The following RNF213 variants were observed in gnomAD, a reference collection of about 807,000 sequenced individuals.
RNF213 encodes the protein ring finger protein 213, also known as E3 ubiquitin-protein ligase RNF213.
Under a neutral mutation model 514.4 loss-of-function variants are expected in RNF213, and 341 were observed. That is an observed-to-expected ratio of 0.66 (90% CI 0.61 to 0.73). The LOEUF is 0.73. Ranked by LOEUF, RNF213 falls within the 30% of genes least tolerant of loss-of-function variation. The probability of loss-of-function intolerance (pLI) is 0.00; values close to 1 mark genes in which losing one functional copy is unlikely to be tolerated. For missense variants in RNF213, 5,767 were observed against 6,615.6 expected (o/e 0.87, Z 4.45); for synonymous variants, 2,655 against 2,658.2 (o/e 1.00, Z 0.04).
chr17:80,374,474 A>C lies in RNF213; in HGVS notation c.12959A>C (p.His4320Pro). 6.2e-7 allele frequency: 1 copy of C among 1,614,184 alleles called. No individual in the cohort carries two copies. Among genetic ancestry groups the C allele is most frequent in the Non-Finnish European group, 8.5e-7 (1 of 1,180,036 alleles). ...VVKQQGLRQD[H>P]PGQMDRYLVY... ...GTATTCCAGGGGCTGCGGCAGGACC[A>C]CCCAGGCCAGATGGATAGGTACCTG... Residue 4320 changes from histidine (H) to proline (P), a missense_variant, in exon 50 of 68, where the codon CAC becomes CCC. His to Pro is a moderately conservative substitution (Grantham distance 77). Coordinates refer to ENST00000582970, the MANE Select transcript of RNF213 (RefSeq NM_001256071.3).
At position 80,389,809 on chromosome 17, in the gene RNF213, A is replaced by G; in HGVS notation, c.15196-19A>G. ...TGTGAGACCTCAGCCCCCACTCAGG[A>G]ATTCTATTCCTTCTGCAGGCCTTAA... On this transcript the variant is annotated intron_variant, in intron 65 of 67. Coordinates refer to ENST00000582970, the MANE Select transcript of RNF213 (RefSeq NM_001256071.3). The G allele has an allele frequency of 6.2e-7, 1 of 1,607,198 alleles. No homozygotes were observed. The highest frequency in any genetic ancestry group is 8.5e-7 in the Non-Finnish European group (1 of 1,174,456).
At chr17:80,362,673 ACTG>A (rs1330482379) in intron 39 of RNF213, among the ~76,000 whole-genome samples, 1 of 152,240 alleles carries the variant, frequency 6.6e-6, no homozygotes, top group African/African-American at 2.4e-5. Flanking sequence ...TCCGATCTGA[ACTG>A]CTGACTCTGT....
intron 14 of RNF213, among the ~76,000 whole-genome samples, chr17:80,310,767 G>A (rs1241068539): frequency 6.6e-6 from 1 of 151,876 alleles, no homozygotes; most frequent in African/African-American, 2.4e-5. Context: ...GGTCAGGCTG[G>A]CCTTGAACTC....
rs372936859 is a variant in RNF213, at chr17:80,273,229, C to T, written c.98-12C>T. The stretch of plus-strand genomic sequence containing the variant: ...CTCTGAGATCTGACCCTTCCTTCAT[C>T]TGCCGTTACAGATTCTGAGAACAAT... On this transcript the variant is annotated splice_polypyrimidine_tract_variant and intron_variant, in intron 2 of 67. Transcript: ENST00000582970. 7.1e-5 allele frequency: 115 copies of T among 1,613,340 alleles called. No homozygotes were observed. Among genetic ancestry groups the T allele is most frequent in the African/African-American group, 9.3e-5 (7 of 74,904 alleles).
At chr17:80,382,644 A>G (rs1199245577) in intron 57 of RNF213, 3 of 347,736 alleles carry the variant, frequency 8.6e-6, no homozygotes, top group Admixed American at 4.2e-5. Flanking sequence ...GGTCTGCCTC[A>G]GGGTTTGGGT....
At chr17:80,380,598 T>C (rs976895428) in intron 55 of RNF213, among the ~76,000 whole-genome samples, 1 of 152,110 alleles carries the variant, frequency 6.6e-6, no homozygotes, top group African/African-American at 2.4e-5. Flanking sequence ...TCAGCATCAA[T>C]ACCACACAGC....
At chr17:80,302,873 A>C (rs1044425190) in intron 11 of RNF213, among the ~76,000 whole-genome samples, 2 of 152,204 alleles carry the variant, frequency 1.3e-5, no homozygotes, top group Non-Finnish European at 2.9e-5. Flanking sequence ...ACAGGTAACC[A>C]CAAACTTTCT....
At chr17:80,296,157 C>G (rs548287951) in intron 10 of RNF213, among the ~76,000 whole-genome samples, 1 of 152,278 alleles carries the variant, frequency 6.6e-6, no homozygotes, top group East Asian at 1.9e-4. Flanking sequence ...GTAGCAGGGA[C>G]TACAGGTGCA....
rs1268157597 is a variant in RNF213 at position 80,397,756 on chromosome 17, T to G, written c.*4258T>G. Reference sequence around the variant, plus strand: ...CCTTCTTTAACTCGTGTCTGAGGGGTTTTCTCTGCAGCTTGTCCTGCTACA... The same window carrying G: ...CCTTCTTTAACTCGTGTCTGAGGGGGTTTCTCTGCAGCTTGTCCTGCTACA... On this transcript the variant is annotated 3_prime_UTR_variant, in exon 68 of 68. Transcript: ENST00000582970. 1 of 147,738 alleles carries G rather than the reference T, an allele frequency of 6.8e-6. No individual in the cohort carries two copies. The highest frequency in any genetic ancestry group is 1.5e-5 in the Non-Finnish European group (1 of 67,180). 9.2% of individuals were successfully genotyped at this position (147,738 alleles called of 1,614,324 possible). A position where few individuals can be genotyped will look rare whatever the true frequency, so the allele number is the denominator to read the frequency against.
At chr17:80,376,151 T>A (rs999855473) in intron 51 of RNF213, 150 bp from the exon 52 acceptor site, 18 of 862,386 alleles carry the variant, frequency 2.1e-5, no homozygotes, top group Non-Finnish European at 3.2e-5. Flanking sequence ...TATGCACAAT[T>A]CTCTTCTCTG....
chr17:80,357,095 T>A (rs933381365), intron 36 of RNF213, among the ~76,000 whole-genome samples: 22 of 152,096 alleles, frequency 1.4e-4, no homozygotes, highest in African/African-American at 5.3e-4. Flanking sequence ...TTTTGTATTT[T>A]TAGTAGAGAC....
At chr17:80,359,057 G>A (rs116308209) in intron 37 of RNF213, among the ~76,000 whole-genome samples, 101 of 152,296 alleles carry the variant, frequency 6.6e-4, no homozygotes, top group African/African-American at 2.3e-3. Flanking sequence ...CCCACAATCT[G>A]TGCTCCTTAC....
chr17:80,374,553 C>T lies in RNF213; in HGVS notation c.13038C>T (p.Leu4346=), dbSNP rs768134977. Residue 4346 remains leucine (L), a synonymous_variant, in exon 50 of 68, where the codon CTC becomes CTT. Transcript: ENST00000582970. Reference sequence around the variant, plus strand: ...GTGATGCTGTGGCCAAAGCTGTCCTCGAGTGCAAGCCACTGGGCATTAAGA... The same window carrying T: ...GTGATGCTGTGGCCAAAGCTGTCCTTGAGTGCAAGCCACTGGGCATTAAGA... ...ALRDAVAKAV[L]ECKPLGIKTA... is the part of the protein sequence containing the mutation. 1.1e-5 allele frequency: 18 copies of T among 1,614,040 alleles called. No individual in the cohort carries two copies. Among genetic ancestry groups the T allele is most frequent in the Admixed American group, 3.3e-5 (2 of 60,008 alleles).
chr17:80,281,596 ACACACAGCCAACT>A (rs1391887021), intron 3 of RNF213, among the ~76,000 whole-genome samples: 2 of 126,528 alleles, frequency 1.6e-5, no homozygotes, highest in Admixed American at 8.1e-5. Flanking sequence ...CACTGCCAAC[ACACACAGCCAACT>A]CACACCACTC....
Position 80,354,561 on chromosome 17 carries a change from A to C in RNF213, c.10847A>C (p.Glu3616Ala). 1 of 1,614,194 alleles carries C rather than the reference A, an allele frequency of 6.2e-7. No homozygotes were observed. The highest frequency in any genetic ancestry group is 1.1e-5 in the South Asian group (1 of 91,082). Residue 3616 changes from glutamate to alanine, a missense_variant, in exon 36 of 68, where the codon GAG becomes GCG. Physicochemically the swap from Glu to Ala is moderately radical, Grantham distance 107. Transcript: ENST00000582970. ...GCCTGCAACCAGGACGCTCTCCAGGAGGCGGGCACATTCAGGTACTGTGAC... is the reference window on the plus strand; with the variant it reads ...GCCTGCAACCAGGACGCTCTCCAGGCGGCGGGCACATTCAGGTACTGTGAC... Reference protein sequence around the residue: ...REACNQDALQEAGTFRHTLWK... With the variant: ...REACNQDALQAAGTFRHTLWK...
intron 23 of RNF213, chr17:80,336,853 A>C: frequency 3.3e-6 from 1 of 306,392 alleles, no homozygotes; most frequent in Non-Finnish European, 6.4e-6. Flanking sequence ...GTGAACTGAG[A>C]TCACACCACT....
intron 11 of RNF213, among the ~76,000 whole-genome samples, chr17:80,303,877 C>T (rs559425312): frequency 5.3e-5 from 8 of 150,720 alleles, no homozygotes; most frequent in South Asian, 2.1e-4. Flanking sequence ...CCTGGCCAGC[C>T]GTTGGGAACC....
intron 16 of RNF213, 140 bp from the exon 17 acceptor site, chr17:80,319,050 G>C: frequency 6.3e-7 from 1 of 1,582,408 alleles, no homozygotes; most frequent in South Asian, 1.1e-5. Flanking sequence ...GACATGCTTT[G>C]CGTGGGCCAG....
rs1304136079 is a variant in RNF213, at chr17:80,377,741, T to C, written c.13511-21T>C. 1 of 1,614,002 alleles carries C rather than the reference T, an allele frequency of 6.2e-7. No individual in the cohort carries two copies. The highest frequency in any genetic ancestry group is 8.5e-7 in the Non-Finnish European group (1 of 1,179,968). On this transcript the variant is annotated intron_variant, in intron 53 of 67. Transcript: ENST00000582970. This position sits in a 1 kb window ranked among gnomAD's most constrained non-coding sequence, Gnocchi z 4.1. Reference sequence around the variant, plus strand: ...TTGGGTGAAACCTCATTAGCCAATGTGTGTCCTGTTCTCTTCACAGCTTGT... The same window carrying C: ...TTGGGTGAAACCTCATTAGCCAATGCGTGTCCTGTTCTCTTCACAGCTTGT...
Sources: gnomAD v4.1 joint callset for allele counts (sites outside exome capture counted in the v4.1 genomes callset) on GRCh38, gnomAD v4.1.1 for gene constraint, Gnocchi (gnomAD v3.1) non-coding constraint, MANE v1.5 for transcripts, NCBI Gene and HGNC (gene_info 2026-07-23, HGNC 2026-07-21) for gene names.